The following SRGAP2 variants were observed in gnomAD, a reference collection of about 807,000 sequenced individuals.
SRGAP2 encodes the protein SLIT-ROBO Rho GTPase-activating protein 2.
A neutral mutation model predicts 57.2 loss-of-function variants in SRGAP2; 15 were observed. The observed-to-expected ratio is 0.26, with a 90% CI of 0.18 to 0.40. The LOEUF is 0.40. Among genes scored for constraint, SRGAP2 ranks in the 10% least tolerant of loss-of-function variants. SRGAP2 has a pLI of 1.00. For missense variants in SRGAP2, 520 were observed against 669.6 expected, an observed-to-expected ratio of 0.78 and a Z score of 2.47; for synonymous variants, 249 against 248.0, an observed-to-expected ratio of 1.00 and a Z score of -0.04.
chr1:206,234,916 G>A (rs1667838890), intron 2 of SRGAP2, among the ~76,000 whole-genome samples: 2 of 151,820 alleles, frequency 1.3e-5, no homozygotes, highest in South Asian at 4.2e-4. Context: ...GCAGGAAATG[G>A]GTAAGATTAT....
In SRGAP2 at chr1:206,389,548, G is replaced by A. The variant is rs1160786212; in HGVS notation, c.487-3141G>A. 9.9e-5 allele frequency among the ~76,000 whole-genome samples: 15 copies of A among 151,680 alleles called. 1 individual carries two copies. Among genetic ancestry groups the A allele is most frequent in the African/African-American group, 3.4e-4 (14 of 41,372 alleles). ...ATCCCACTGCTACTTATTTCTCTTC[G>A]GGCTTCTGTGATATAAATCTGGCTG... On this transcript the variant is annotated intron_variant, in intron 5 of 22. Coordinates refer to ENST00000573034, the MANE Select transcript of SRGAP2 (RefSeq NM_015326.5).
chr1:206,364,426 C>T (rs1268098313), intron 4 of SRGAP2, among the ~76,000 whole-genome samples: 2 of 151,526 alleles, frequency 1.3e-5, no homozygotes, highest in Admixed American at 1.3e-4. Flanking sequence ...CTCAGCCTCC[C>T]GAGTAGCTGG....
chr1:206,224,326 G>C (rs1373097962), intron 2 of SRGAP2, among the ~76,000 whole-genome samples: 6 of 151,162 alleles, frequency 4.0e-5, no homozygotes, highest in Non-Finnish European at 8.8e-5. Context: ...TGTAGTTTCT[G>C]TGAGAGACTT....
chr1:206,415,861 T>A (rs1553361649), intron 10 of SRGAP2, 28 bp from the exon 11 acceptor site: 1 of 769,730 alleles, frequency 1.3e-6, no homozygotes, highest in Non-Finnish European at 2.4e-6. Flanking sequence ...GGAGTCTGAT[T>A]GCTCTTTTTC....
At chr1:206,262,944 G>A (rs75136778) in intron 2 of SRGAP2, among the ~76,000 whole-genome samples, 17,705 of 86,894 alleles carry the variant, frequency 0.2, 1,084 homozygotes, top group East Asian at 0.47. Flanking sequence ...CCTACAGTTG[G>A]TTTAGTCCCC....
intron 13 of SRGAP2, among the ~76,000 whole-genome samples, chr1:206,421,665 A>G (rs912954282): frequency 8.5e-5 from 13 of 152,320 alleles, no homozygotes; most frequent in Admixed American, 5.9e-4. Flanking sequence ...ATCTCGCTTT[A>G]AGTTGGCAGA....
intron 3 of SRGAP2, chr1:206,333,557 C>T (rs1384771277): frequency 2.7e-5 from 22 of 808,548 alleles, no homozygotes; most frequent in Non-Finnish European, 3.8e-5. Flanking sequence ...AGAGACAGGT[C>T]CTATGTTGCC....
chr1:206,278,563 G>C (rs1184901634), intron 2 of SRGAP2, among the ~76,000 whole-genome samples: 4 of 143,118 alleles, frequency 2.8e-5, no homozygotes, highest in Non-Finnish European at 6.0e-5. Context: ...GTCTCATTTT[G>C]TTGCCCAGGC....
chr1:206,281,820 A>T (rs1275660986), intron 2 of SRGAP2, among the ~76,000 whole-genome samples: 1 of 131,046 alleles, frequency 7.6e-6, no homozygotes, highest in Non-Finnish European at 1.6e-5. Flanking sequence ...AAACAAACAA[A>T]CAAAAAAAAC....
intron 12 of SRGAP2, 131 bp downstream of exon 12, chr1:206,419,531 G>A (rs542918092): frequency 8.5e-5 from 59 of 694,352 alleles, no homozygotes; most frequent in Non-Finnish European, 1.3e-4. Flanking sequence ...GGCCTGGGGC[G>A]GGGTTTGTTT....
Position 206,290,881 on chromosome 1 carries a change from G to T in SRGAP2, c.68-12400G>T, listed in dbSNP as rs1427567678. 2.1e-4 allele frequency among the ~76,000 whole-genome samples: 32 copies of T among 152,184 alleles called. No homozygotes were observed. In the East Asian group the frequency reaches 6.2e-3, roughly 29 times the overall value. The stretch of plus-strand genomic sequence containing the variant: ...TGGCATTTTGAGCCCAGGCAGTCTA[G>T]TTCCAGGGTCAGACTTTTCTCTGCG... On this transcript the variant is annotated intron_variant, in intron 2 of 22. Coordinates refer to ENST00000573034, the MANE Select transcript of SRGAP2 (RefSeq NM_015326.5).
At chr1:206,321,098 A>G (rs1468414650) in intron 3 of SRGAP2, among the ~76,000 whole-genome samples, 3 of 144,728 alleles carry the variant, frequency 2.1e-5, no homozygotes, top group Admixed American at 1.3e-4. Flanking sequence ...CAATTGTCTT[A>G]TCTCTTTACT....
At chr1:206,273,115 C>G (rs1186047016) in intron 2 of SRGAP2, among the ~76,000 whole-genome samples, 1 of 152,042 alleles carries the variant, frequency 6.6e-6, no homozygotes, top group East Asian at 1.9e-4. Context: ...CTTTTTACGT[C>G]TTAGAGTAGC....
At chr1:206,253,302 C>G (rs1485001281) in intron 2 of SRGAP2, among the ~76,000 whole-genome samples, 2 of 150,624 alleles carry the variant, frequency 1.3e-5, no homozygotes, top group Non-Finnish European at 3.0e-5. Context: ...CTACAGGATT[C>G]ATTGTGACTT....
chr1:206,450,947 TAAA>T (rs371400613), intron 19 of SRGAP2, among the ~76,000 whole-genome samples: 229 of 143,612 alleles, frequency 1.6e-3, no homozygotes, highest in African/African-American at 1.9e-3. Flanking sequence ...CCCTGTCTCT[TAAA>T]AAAAAAAAAA....
chr1:206,378,414 G>C (rs1419540806), intron 4 of SRGAP2, among the ~76,000 whole-genome samples: 1 of 152,096 alleles, frequency 6.6e-6, no homozygotes, highest in Non-Finnish European at 1.5e-5. Context: ...TTGAGCCCAA[G>C]AGTTCAAGGC....
intron 17 of SRGAP2, among the ~76,000 whole-genome samples, chr1:206,442,828 A>G (rs1553372516): frequency 1.3e-5 from 2 of 152,204 alleles, no homozygotes; most frequent in South Asian, 4.1e-4. Flanking sequence ...AGGGGTAGCA[A>G]TAGTTGGCAG....
chr1:206,347,799 C>T (rs1236700123), intron 4 of SRGAP2, among the ~76,000 whole-genome samples: 2 of 148,268 alleles, frequency 1.3e-5, no homozygotes, highest in Non-Finnish European at 3.0e-5. Context: ...GCACATAAAC[C>T]TTCAAAGGGT....
chr1:206,401,114 G>T (rs547493944), intron 7 of SRGAP2, among the ~76,000 whole-genome samples: 104 of 152,146 alleles, frequency 6.8e-4, no homozygotes, highest in African/African-American at 2.3e-3. Flanking sequence ...AATGAAAGAG[G>T]ATTCTCTTTA....
Sources: gnomAD v4.1 joint callset for allele counts (sites outside exome capture counted in the v4.1 genomes callset) on GRCh38, gnomAD v4.1.1 for gene constraint, MANE v1.5 for transcripts, NCBI Gene and HGNC (gene_info 2026-07-23, HGNC 2026-07-21) for gene names.